The following MOB3B variants were observed in gnomAD, a reference collection of about 807,000 sequenced individuals.
MOB3B encodes the protein MOB kinase activator 3B.
A neutral mutation model predicts 18.7 loss-of-function variants in MOB3B; 7 were observed. That is an observed-to-expected ratio of 0.37 (90% CI 0.21 to 0.70). The LOEUF is 0.70. MOB3B is among the 30% of genes least tolerant of loss of function. The pLI, the probability that MOB3B is intolerant of heterozygous loss-of-function variation, is 0.52. For missense variants in MOB3B, 253 were observed against 281.3 expected (o/e 0.90, Z 0.72); for synonymous variants, 111 against 99.9 (o/e 1.11, Z -0.66).
chr9:27,513,362 C>T (rs1211233407), intron 1 of MOB3B, among the ~76,000 whole-genome samples: 2 of 152,248 alleles, frequency 1.3e-5, no homozygotes, highest in African/African-American at 4.8e-5. Context: ...CTACTCTAGC[C>T]CCTTCTCCAA....
At chr9:27,375,369 G>A (rs1821475782) in intron 2 of MOB3B, among the ~76,000 whole-genome samples, 1 of 152,136 alleles carries the variant, frequency 6.6e-6, no homozygotes, top group Non-Finnish European at 1.5e-5. Flanking sequence ...AGACTTCTGG[G>A]GATGATGAAG....
At chr9:27,505,894 T>A (rs1462011625) in intron 1 of MOB3B, among the ~76,000 whole-genome samples, 5 of 152,192 alleles carry the variant, frequency 3.3e-5, no homozygotes, top group African/African-American at 1.2e-4. Context: ...TCTCTTTGAC[T>A]CTGGCTCTCA....
At chr9:27,374,252 G>A (rs918099457) in intron 2 of MOB3B, among the ~76,000 whole-genome samples, 27 of 150,938 alleles carry the variant, frequency 1.8e-4, no homozygotes, top group African/African-American at 6.6e-4. Flanking sequence ...GAAACTAAGA[G>A]AGGCTGCATC....
At chr9:27,494,704 G>A (rs532533346) in intron 1 of MOB3B, among the ~76,000 whole-genome samples, 11 of 152,064 alleles carry the variant, frequency 7.2e-5, no homozygotes, top group African/African-American at 2.4e-4. Flanking sequence ...TAATAGAGAC[G>A]GGGTTTCACC....
chr9:27,430,690 GAGATGAAAAATTCCTAAAAC>G (rs1482753391), intron 2 of MOB3B, among the ~76,000 whole-genome samples: 1 of 152,042 alleles, frequency 6.6e-6, no homozygotes, highest in African/African-American at 2.4e-5. Flanking sequence ...GAATTCAAAG[GAGATGAAAAATTCCTAAAAC>G]AGGTCATCGT....
intron 3 of MOB3B, among the ~76,000 whole-genome samples, chr9:27,331,015 T>TA (rs1820780502): frequency 6.6e-6 from 1 of 152,160 alleles, no homozygotes; most frequent in Admixed American, 6.5e-5. Flanking sequence ...TATGAACTGA[T>TA]ACAGTAATTG....
At chr9:27,395,477 G>C (rs1326107533) in intron 2 of MOB3B, among the ~76,000 whole-genome samples, 3 of 152,074 alleles carry the variant, frequency 2.0e-5, no homozygotes, top group Non-Finnish European at 4.4e-5. Context: ...ACTGTTGATA[G>C]GTTGGTATGC....
chr9:27,336,941 G>A (rs1056220699), intron 3 of MOB3B, among the ~76,000 whole-genome samples: 29 of 152,294 alleles, frequency 1.9e-4, no homozygotes, highest in African/African-American at 5.5e-4. Context: ...CGAGTCCCCC[G>A]GAAAAGGCCG....
chr9:27,459,691 G>C (rs57492135), intron 1 of MOB3B, among the ~76,000 whole-genome samples: 2,949 of 152,060 alleles, frequency 0.019, 87 homozygotes, highest in African/African-American at 0.066. Flanking sequence ...CAGGTCTTTT[G>C]ATCTGGACTG....
At position 27,399,236 on chromosome 9, in the gene MOB3B, AT is replaced by A. The variant is rs1821841924; in HGVS notation, c.419-40001del. Reference sequence around the variant, plus strand: ...CTCCAGCAAAAGAGGCAGGTGCCTTATCCCACTTCCCAGTGGGGCCCTGAAT... The same window carrying A: ...CTCCAGCAAAAGAGGCAGGTGCCTTACCCACTTCCCAGTGGGGCCCTGAAT... On this transcript the variant is annotated intron_variant, in intron 2 of 3. Coordinates refer to ENST00000262244, the MANE Select transcript of MOB3B (RefSeq NM_024761.5). Among the ~76,000 whole-genome samples the A allele has an allele frequency of 7.9e-5, 12 of 152,294 alleles. No homozygotes were observed. In the South Asian group the frequency reaches 2.3e-3, roughly 29 times the overall value.
chr9:27,361,591 G>A (rs967966084), intron 2 of MOB3B, among the ~76,000 whole-genome samples: 2 of 152,190 alleles, frequency 1.3e-5, no homozygotes, highest in Non-Finnish European at 2.9e-5. Flanking sequence ...AGTATTTACT[G>A]AGCTCTTACT....
intron 2 of MOB3B, among the ~76,000 whole-genome samples, chr9:27,419,060 CAAA>C (rs567613310): frequency 2.4e-5 from 3 of 123,846 alleles, no homozygotes; most frequent in Non-Finnish European, 3.4e-5. Context: ...ACGATAGCTG[CAAA>C]AAAAAAAAAA....
rs530824082 is a variant in MOB3B at position 27,347,777 on chromosome 9, C to G, written c.621+11257G>C. Among the ~76,000 whole-genome samples the G allele has an allele frequency of 7.2e-5, 11 of 152,306 alleles. No homozygotes were observed. In the South Asian group the frequency reaches 2.1e-3, roughly 29 times the overall value. On this transcript the variant is annotated intron_variant, in intron 3 of 3. Transcript: ENST00000262244. ...ACTGTACTGTTTCTACATTTAGATA[C>G]ACAAATACTTACCATTATGTTACAG...
At chr9:27,490,372 T>C (rs1278566611) in intron 1 of MOB3B, among the ~76,000 whole-genome samples, 1 of 152,168 alleles carries the variant, frequency 6.6e-6, no homozygotes, top group East Asian at 1.9e-4. Flanking sequence ...TGCAATAAAA[T>C]ATTAAAAGTA....
chr9:27,342,233 C>T (rs1301013896), intron 3 of MOB3B, among the ~76,000 whole-genome samples: 1 of 152,116 alleles, frequency 6.6e-6, no homozygotes, highest in Non-Finnish European at 1.5e-5. Context: ...TAGTTTTGAC[C>T]CACATGGTTA....
At chr9:27,417,487 T>G (rs1444783912) in intron 2 of MOB3B, among the ~76,000 whole-genome samples, 2 of 152,212 alleles carry the variant, frequency 1.3e-5, no homozygotes, top group East Asian at 3.8e-4. Context: ...CAATAAAGTT[T>G]CCTTTGAGTG....
chr9:27,352,361 GA>G (rs1821117856), intron 3 of MOB3B, among the ~76,000 whole-genome samples: 1 of 133,274 alleles, frequency 7.5e-6, no homozygotes, highest in Non-Finnish European at 1.5e-5. Context: ...GACAGAGTGA[GA>G]CCCTGTCTCA....
chr9:27,378,354 G>A, intron 2 of MOB3B: 1 of 471,616 alleles, frequency 2.1e-6, no homozygotes. Flanking sequence ...ACATATTGCT[G>A]CTCACCTACT....
At chr9:27,379,884 T>C (rs976317784) in intron 2 of MOB3B, among the ~76,000 whole-genome samples, 3 of 152,232 alleles carry the variant, frequency 2.0e-5, no homozygotes, top group Non-Finnish European at 4.4e-5. Flanking sequence ...GTACAAAGTG[T>C]ACCTAGGTAA....
Sources: gnomAD v4.1 joint callset for allele counts (sites outside exome capture counted in the v4.1 genomes callset) on GRCh38, gnomAD v4.1.1 for gene constraint, MANE v1.5 for transcripts, NCBI Gene and HGNC (gene_info 2026-07-23, HGNC 2026-07-21) for gene names.